The following PRPF39 variants were observed in gnomAD, a reference collection of about 807,000 sequenced individuals.
PRPF39 encodes the protein pre-mRNA processing factor 39, also known as pre-mRNA-processing factor 39.
PRPF39 carries 27 observed loss-of-function variants against 82.1 expected under a neutral mutation model. That is an observed-to-expected ratio of 0.33 (90% CI 0.24 to 0.45). The LOEUF (loss-of-function observed/expected upper bound fraction) is 0.45, where lower values mean the gene tolerates loss of function less well. Ranked by LOEUF, PRPF39 falls within the 20% of genes least tolerant of loss-of-function variation. PRPF39 has a pLI of 1.00. For synonymous variants in PRPF39, 261 were observed against 256.4 expected (o/e 1.02, Z -0.17); for missense variants, 581 against 796.9 (o/e 0.73, Z 3.26).
At chr14:45,088,443 G>A (rs138344483) in intron 1 of PRPF39, 2 of 153,236 alleles carry the variant, frequency 1.3e-5, no homozygotes, top group East Asian at 3.8e-4. Flanking sequence ...CATGTACTAA[G>A]GTTCCTAAGC....
chr14:45,091,041 A>G (rs961138639), intron 1 of PRPF39, among the ~76,000 whole-genome samples: 24 of 150,506 alleles, frequency 1.6e-4, no homozygotes, highest in Non-Finnish European at 5.9e-5. Context: ...GTTTCATACT[A>G]TTTGTTCTTT....
At chr14:45,107,642 T>C in intron 6 of PRPF39, 26 bp downstream of exon 6, 1 of 1,544,660 alleles carries the variant, frequency 6.5e-7, no homozygotes, top group Non-Finnish European at 8.8e-7. Context: ...CTAAAGTTCG[T>C]CAGTGGCCAG....
chr14:45,086,388 A>G (rs1883829000), intron 1 of PRPF39, among the ~76,000 whole-genome samples: 1 of 152,218 alleles, frequency 6.6e-6, no homozygotes, highest in African/African-American at 2.4e-5. Context: ...TGTATTTTTT[A>G]TATATTGCCT....
At chr14:45,090,745 T>C (rs1883995529) in intron 1 of PRPF39, among the ~76,000 whole-genome samples, 1 of 152,190 alleles carries the variant, frequency 6.6e-6, no homozygotes, top group African/African-American at 2.4e-5. Context: ...TGTGTGTGTG[T>C]ATGTGTTGTG....
chr14:45,096,034 G>T, intron 2 of PRPF39, 69 bp from the exon 3 acceptor site: 1 of 1,349,322 alleles, frequency 7.4e-7, no homozygotes, highest in Non-Finnish European at 1.0e-6. Context: ...AATAACGTTT[G>T]AAAGGAATAA....
chr14:45,114,158 AG>A, intron 11 of PRPF39, 24 bp from the exon 12 acceptor site: 1 of 1,508,054 alleles, frequency 6.6e-7, no homozygotes, highest in Admixed American at 1.9e-5. Context: ...TATATTCCAG[AG>A]GATATTTTTT....
chr14:45,108,489 T>G lies in PRPF39; in HGVS notation c.978T>G (p.His326Gln). 6.2e-7 allele frequency: 1 copy of G among 1,601,982 alleles called. No individual in the cohort carries two copies. Among genetic ancestry groups the G allele is most frequent in the Non-Finnish European group, 8.5e-7 (1 of 1,176,538 alleles). The change falls in exon 7 of 14, where the codon CAT becomes CAG. Residue 326 changes from histidine (H) to glutamine (Q), a missense_variant. Physicochemically the swap from His to Gln is conservative, Grantham distance 24. Transcript: ENST00000355765. ...IHQEMFNYNE[H>Q]EVSKRWTFEE... The stretch of plus-strand genomic sequence containing the variant: ...AAGAAATGTTTAATTATAATGAGCA[T>G]GAAGTTAGTAAAAGGTGGACATTTG...
At chr14:45,101,117 A>G (rs749636722) in intron 4 of PRPF39, among the ~76,000 whole-genome samples, 5 of 152,168 alleles carry the variant, frequency 3.3e-5, no homozygotes, top group Admixed American at 2.0e-4. Context: ...TGTAATTACT[A>G]TAGCTTCCTA....
At chr14:45,085,976 ACT>A (rs1268280873) in intron 1 of PRPF39, among the ~76,000 whole-genome samples, 1 of 150,978 alleles carries the variant, frequency 6.6e-6, no homozygotes, top group Non-Finnish European at 1.5e-5. Flanking sequence ...ATGGCATTTC[ACT>A]CTCGTTGCCC....
chr14:45,114,163 A>T lies in PRPF39; in HGVS notation c.1758-20A>T, dbSNP rs1884772182. On this transcript the variant is annotated intron_variant, in intron 11 of 13. Coordinates refer to ENST00000355765, the MANE Select transcript of PRPF39 (RefSeq NM_017922.4). ...TTGTTTTTTGTATATTCCAGAGGATATTTTTTTCTTTCCTTTCAGGCTTCT... is the reference window on the plus strand; with the variant it reads ...TTGTTTTTTGTATATTCCAGAGGATTTTTTTTTCTTTCCTTTCAGGCTTCT... 1 of 1,528,378 alleles carries T rather than the reference A, an allele frequency of 6.5e-7. No homozygotes were observed. Among genetic ancestry groups the T allele is most frequent in the Admixed American group, 1.9e-5 (1 of 53,088 alleles). 94.7% of individuals were successfully genotyped at this position (1,528,378 alleles called of 1,614,324 possible).
intron 7 of PRPF39, 76 bp downstream of exon 7, chr14:45,108,598 A>C (rs1884609338): frequency 6.7e-7 from 1 of 1,488,682 alleles, no homozygotes; most frequent in Admixed American, 2.8e-5. Context: ...TTTTGATAGT[A>C]CTATCTCTGT....
chr14:45,100,185 G>A (rs768013850), intron 4 of PRPF39, among the ~76,000 whole-genome samples: 29 of 152,262 alleles, frequency 1.9e-4, no homozygotes, highest in African/African-American at 5.1e-4. Context: ...AGCTGAGATC[G>A]TGACATTGCA....
intron 1 of PRPF39, among the ~76,000 whole-genome samples, chr14:45,094,364 G>C (rs1594726112): frequency 6.6e-6 from 1 of 152,238 alleles, no homozygotes; most frequent in Middle Eastern, 3.4e-3. Flanking sequence ...ATAATTTTAA[G>C]TATATTATGT....
intron 1 of PRPF39, among the ~76,000 whole-genome samples, chr14:45,087,134 C>T (rs1883856357): frequency 6.6e-6 from 1 of 152,164 alleles, no homozygotes; most frequent in Admixed American, 6.5e-5. Context: ...TTATTTCGCT[C>T]TGTCGCCCAG....
rs181510130 is a variant in PRPF39 at position 45,108,664 on chromosome 14, T to C, written c.1011+142T>C. On this transcript the variant is annotated intron_variant, in intron 7 of 13. Coordinates refer to ENST00000355765, the MANE Select transcript of PRPF39 (RefSeq NM_017922.4). Reference sequence around the variant, plus strand: ...AACTTCAGATGTTTGTCTCATTTATTGTAATCATTATCAGTTTTTCCATTT... The same window carrying C: ...AACTTCAGATGTTTGTCTCATTTATCGTAATCATTATCAGTTTTTCCATTT... The C allele has an allele frequency of 3.3e-4, 391 of 1,187,340 alleles. 3 individuals are homozygous for C. In the African/African-American group the frequency reaches 5.6e-3, roughly 17 times the overall value. The allele number at this position is 1,187,340 out of a possible 1,614,324, so 73.6% of individuals were successfully genotyped here. A position where few individuals can be genotyped will look rare whatever the true frequency, so the allele number is the denominator to read the frequency against.
chr14:45,099,620 AT>A (rs1884310937), intron 4 of PRPF39, among the ~76,000 whole-genome samples: 1 of 151,886 alleles, frequency 6.6e-6, no homozygotes, highest in South Asian at 2.1e-4. Context: ...AATTTTTTGT[AT>A]TTTTAGTAGA....
Position 45,114,839 on chromosome 14 carries a change from C to G in PRPF39, c.1954-18C>G. On this transcript the variant is annotated intron_variant, in intron 13 of 13. Transcript: ENST00000355765. Reference sequence around the variant, plus strand: ...GCCACAGTTCTAATATGCTAACATACTTACTTTTTCCTTTCAGTACAATTA... The same window carrying G: ...GCCACAGTTCTAATATGCTAACATAGTTACTTTTTCCTTTCAGTACAATTA... 2 of 1,574,122 alleles carry G rather than the reference C, an allele frequency of 1.3e-6. No homozygotes were observed. The highest frequency in any genetic ancestry group is 1.7e-6 in the Non-Finnish European group (2 of 1,144,570).
intron 12 of PRPF39, 73 bp from the exon 13 acceptor site, chr14:45,114,421 A>AT (rs1884779643): frequency 6.9e-7 from 1 of 1,446,236 alleles, no homozygotes. Context: ...AAATATACAG[A>AT]TAACATTCAT....
At chr14:45,086,665 T>C (rs1310791914) in intron 1 of PRPF39, among the ~76,000 whole-genome samples, 1 of 152,150 alleles carries the variant, frequency 6.6e-6, no homozygotes, top group African/African-American at 2.4e-5. Flanking sequence ...TCAGAGATAT[T>C]TGTTGTGCTG....
Sources: gnomAD v4.1 joint callset for allele counts (sites outside exome capture counted in the v4.1 genomes callset) on GRCh38, gnomAD v4.1.1 for gene constraint, MANE v1.5 for transcripts, NCBI Gene and HGNC (gene_info 2026-07-23, HGNC 2026-07-21) for gene names.